The following CFAP70 variants were observed in gnomAD, a reference collection of about 807,000 sequenced individuals.
CFAP70 encodes cilia- and flagella-associated protein 70.
Under a neutral mutation model 137.6 loss-of-function variants are expected in CFAP70, and 81 were observed. That is an observed-to-expected ratio of 0.59 (90% CI 0.49 to 0.71). CFAP70 has a LOEUF of 0.71. Ranked by LOEUF, CFAP70 falls within the 30% of genes least tolerant of loss-of-function variation. The probability of loss-of-function intolerance (pLI) is 0.00; values close to 1 mark genes in which losing one functional copy is unlikely to be tolerated. For synonymous variants in CFAP70, 382 were observed against 423.6 expected (o/e 0.90, Z 1.20); for missense variants, 976 against 1,226.7 (o/e 0.80, Z 3.05).
At chr10:73,269,118 A>G (rs1564755036) in intron 25 of CFAP70, among the ~76,000 whole-genome samples, 1 of 152,184 alleles carries the variant, frequency 6.6e-6, no homozygotes, top group Non-Finnish European at 1.5e-5. Context: ...GTCCAGTGGA[A>G]AACTGAGGGC....
At chr10:73,331,699 T>C (rs1316488734) in intron 7 of CFAP70, among the ~76,000 whole-genome samples, 1 of 152,170 alleles carries the variant, frequency 6.6e-6, no homozygotes, top group East Asian at 1.9e-4. Context: ...ATTTTTTTTC[T>C]TACTGGGTTG....
At chr10:73,344,472 T>C (rs548230701) in intron 5 of CFAP70, among the ~76,000 whole-genome samples, 3 of 152,352 alleles carry the variant, frequency 2.0e-5, no homozygotes, top group East Asian at 3.9e-4. Flanking sequence ...TGCCTAGGAC[T>C]GTCCCAGTTG....
intron 19 of CFAP70, among the ~76,000 whole-genome samples, chr10:73,283,877 G>A (rs1328387902): frequency 6.6e-6 from 1 of 152,114 alleles, no homozygotes; most frequent in African/African-American, 2.4e-5. Context: ...TATTTGAAAT[G>A]AGGTTCCTGT....
At chr10:73,361,285 T>C (rs1466590745), upstream of CFAP70, among the ~76,000 whole-genome samples, 1 of 149,574 alleles carries the variant, frequency 6.7e-6, no homozygotes, top group Non-Finnish European at 1.5e-5. Context: ...TGAACCACCA[T>C]GCCCGGCCTT....
chr10:73,358,030 T>C (rs2054800544), intron 1 of CFAP70, among the ~76,000 whole-genome samples: 1 of 152,272 alleles, frequency 6.6e-6, no homozygotes, highest in Admixed American at 6.5e-5. Context: ...AGCCTCAGTT[T>C]CACCTTCTGT....
chr10:73,310,698 G>C (rs2049840274), intron 11 of CFAP70, among the ~76,000 whole-genome samples: 1 of 152,104 alleles, frequency 6.6e-6, no homozygotes, highest in Admixed American at 6.5e-5. Context: ...ATTTTTGCCA[G>C]CATCCTAAAT....
At chr10:73,354,083 G>A (rs1004699154) in intron 2 of CFAP70, among the ~76,000 whole-genome samples, 4 of 152,144 alleles carry the variant, frequency 2.6e-5, no homozygotes, top group Admixed American at 1.3e-4. Context: ...GCAGTGGCGC[G>A]ATCTCAGCTC....
exon 14 of CFAP70, chr10:73,298,974 T>G (rs767232872): frequency 6.2e-7 from 1 of 1,614,030 alleles, no homozygotes; most frequent in Non-Finnish European, 8.5e-7. Context: ...CTGGCACTTC[T>G]GCTCCTCCAA....
chr10:73,283,153 A>C (rs986579325), intron 19 of CFAP70, among the ~76,000 whole-genome samples: 3 of 152,122 alleles, frequency 2.0e-5, no homozygotes, highest in Non-Finnish European at 4.4e-5. Context: ...TTTTCCTGTT[A>C]TCTTTCTATT....
chr10:73,334,094 A>T (rs556786844), intron 7 of CFAP70, among the ~76,000 whole-genome samples: 33 of 152,318 alleles, frequency 2.2e-4, no homozygotes, highest in Admixed American at 7.2e-4. Context: ...TCATTTTTTT[A>T]AAGTCAGAGT....
In CFAP70 at chr10:73,262,584, C is replaced by CT. The variant is rs202039369; in HGVS notation, c.3028-6169dup. Among the ~76,000 whole-genome samples the CT allele has an allele frequency of 2.2e-3, 332 of 152,148 alleles. 2 individuals carry two copies. Among genetic ancestry groups the CT allele is most frequent in the African/African-American group, 7.6e-3 (317 of 41,514 alleles). Reference sequence around the variant, plus strand: ...GCTAAGATCTGTATAATGAACTTATCTTTTATCCATGAAAATGTGAAGAAG... The same window carrying CT: ...GCTAAGATCTGTATAATGAACTTATCTTTTTATCCATGAAAATGTGAAGAAG... On this transcript the variant is annotated intron_variant, in intron 25 of 26. Coordinates refer to ENST00000310715, the Ensembl canonical transcript of CFAP70.
In CFAP70 at chr10:73,352,481, T is replaced by C. The variant is rs1356755759; in HGVS notation, c.250+1075A>G. 1.3e-5 allele frequency among the ~76,000 whole-genome samples: 2 copies of C among 151,972 alleles called. 1 individual carries two copies. The highest frequency in any genetic ancestry group is 2.9e-5 in the Non-Finnish European group (2 of 67,954). Reference sequence around the variant, plus strand: ...TTTATCAGGCTTTCTTTCTTTTTTCTTTTTTTTGGTCTGTGCCCATTGGTG... The same window carrying C: ...TTTATCAGGCTTTCTTTCTTTTTTCCTTTTTTTGGTCTGTGCCCATTGGTG... On this transcript the variant is annotated intron_variant, in intron 3 of 26. Coordinates refer to ENST00000310715, the Ensembl canonical transcript of CFAP70.
chr10:73,340,069 A>G (rs1246398154), intron 6 of CFAP70, among the ~76,000 whole-genome samples: 1 of 152,204 alleles, frequency 6.6e-6, no homozygotes, highest in Non-Finnish European at 1.5e-5. Context: ...CAACAGAACA[A>G]CTCAGAGGAG....
chr10:73,335,391 C>A (rs2052544967), intron 7 of CFAP70, 39 bp downstream of exon 8: 1 of 1,332,376 alleles, frequency 7.5e-7, no homozygotes, highest in South Asian at 1.3e-5. Context: ...ACCTACAAGC[C>A]TTTGTGGGTT....
chr10:73,297,997 T>G (rs1169800804), intron 14 of CFAP70, among the ~76,000 whole-genome samples: 2 of 152,182 alleles, frequency 1.3e-5, no homozygotes, highest in African/African-American at 4.8e-5. Context: ...ACATTTGTTG[T>G]TTTTCACTCT....
In CFAP70 at chr10:73,258,512, A is replaced by T. The variant is rs1589234565; in HGVS notation, c.3028-2096T>A. Among the ~76,000 whole-genome samples the T allele has an allele frequency of 2.0e-5, 3 of 152,368 alleles. 1 individual carries two copies. The Middle Eastern group carries it at 0.01, about 518-fold the overall frequency. The stretch of plus-strand genomic sequence containing the variant: ...TACGTTATCTGCACAAATTGTTTGT[A>T]GAGCACGTGTGTTTGAACAATATGA... On this transcript the variant is annotated intron_variant, in intron 25 of 26. Coordinates refer to ENST00000310715, the Ensembl canonical transcript of CFAP70.
At position 73,275,336 on chromosome 10, in the gene CFAP70, C is replaced by G. The variant is rs2046634292; in HGVS notation, c.2673+110G>C. On this transcript the variant is annotated intron_variant, in intron 22 of 26. Coordinates refer to ENST00000310715, the Ensembl canonical transcript of CFAP70. The surrounding 1 kb of genome is among the most constrained non-coding windows in gnomAD (Gnocchi z 4.0). ...GGGTATAGAGAGATGAGTTTACTGA[C>G]AGCTGATGACCACCCTTCTGTTCAC... The G allele has an allele frequency of 7.8e-7, 1 of 1,276,118 alleles. No homozygotes were observed. The allele number at this position is 1,276,118 out of a possible 1,614,324, so 79.0% of individuals were successfully genotyped here.
intron 8 of CFAP70, among the ~76,000 whole-genome samples, chr10:73,324,642 G>A (rs1169421662): frequency 6.6e-6 from 1 of 152,214 alleles, no homozygotes; most frequent in East Asian, 1.9e-4. Context: ...AGTGCTTAAA[G>A]GAGCTGATGG....
Position 73,274,413 on chromosome 10 carries a change from C to G in CFAP70, c.2835+20G>C, listed in dbSNP as rs1324540658. 1.3e-6 allele frequency: 2 copies of G among 1,598,050 alleles called. No homozygotes were observed. The highest frequency in any genetic ancestry group is 1.7e-6 in the Non-Finnish European group (2 of 1,174,170). ...TTAGTTCCCAGACCACGGGGTTATT[C>G]CCCATTCTCTACCCCTCACCTCTTT... is the stretch of plus-strand genomic sequence containing the variant. On this transcript the variant is annotated intron_variant, in intron 23 of 26. Coordinates refer to ENST00000310715, the Ensembl canonical transcript of CFAP70.
Sources: allele counts gnomAD v4.1 joint callset (sites outside exome capture counted in the v4.1 genomes callset), GRCh38; gene constraint gnomAD v4.1.1; non-coding constraint Gnocchi (gnomAD v3.1); transcripts MANE v1.5; gene names NCBI Gene and HGNC (gene_info 2026-07-23, HGNC 2026-07-21).